GNE: variants seen among roughly 807,000 people sequenced by gnomAD.
The protein encoded by GNE is bifunctional UDP-N-acetylglucosamine 2-epimerase/N-acetylmannosamine kinase.
GNE carries 41 observed loss-of-function variants against 61.8 expected under a neutral mutation model. That is an observed-to-expected ratio of 0.66 (90% CI 0.52 to 0.86). The LOEUF is 0.86. GNE is among the 40% of genes least tolerant of loss of function. The probability of loss-of-function intolerance (pLI) is 0.00; values close to 1 mark genes in which losing one functional copy is unlikely to be tolerated. For missense variants in GNE, 608 were observed against 909.1 expected (o/e 0.67, Z 4.26); for synonymous variants, 264 against 326.4 (o/e 0.81, Z 2.06).
Position 36,217,269 on chromosome 9 carries a change from A to G in GNE, c.*96T>C. On this transcript the variant is annotated 3_prime_UTR_variant, in exon 12 of 12. Transcript: ENST00000642385. ...CTGCCAAAGTCACCTGCAGTTCAAT[A>G]CCAGATTTGATTGTTAAGAAACGGT... 1.2e-6 allele frequency: 1 copy of G among 843,526 alleles called. No individual in the cohort carries two copies. The highest frequency in any genetic ancestry group is 2.0e-6 in the Non-Finnish European group (1 of 507,258). 52.3% of individuals were successfully genotyped at this position (843,526 alleles called of 1,614,324 possible).
At chr9:36,233,245 T>G (rs1392734717) in intron 5 of GNE, among the ~76,000 whole-genome samples, 2 of 152,238 alleles carry the variant, frequency 1.3e-5, no homozygotes, top group African/African-American at 2.4e-5. Flanking sequence ...TACTTAGAAC[T>G]ACCATACTCT....
At chr9:36,236,409 A>G (rs1241036449) in intron 4 of GNE, among the ~76,000 whole-genome samples, 4 of 152,286 alleles carry the variant, frequency 2.6e-5, no homozygotes, top group South Asian at 2.1e-4. Context: ...CATCTTGGCC[A>G]GGCTGGTCTC....
intron 1 of GNE, among the ~76,000 whole-genome samples, chr9:36,254,929 GCAACA>G (rs1830267598): frequency 6.6e-6 from 1 of 152,120 alleles, no homozygotes; most frequent in Non-Finnish European, 1.5e-5. Flanking sequence ...TCCAGCCTGG[GCAACA>G]AGAGTGAGAT....
chr9:36,265,181 T>C (rs1424598962), intron 1 of GNE: 3 of 326,012 alleles, frequency 9.2e-6, no homozygotes, highest in South Asian at 2.5e-5. Context: ...TTCGTCCTAA[T>C]TGAGATGAAC....
intron 11 of GNE, among the ~76,000 whole-genome samples, chr9:36,217,832 A>C (rs113974610): frequency 6.4e-4 from 98 of 152,330 alleles, no homozygotes; most frequent in Non-Finnish European, 1.3e-3. Context: ...CTAGGCAAAA[A>C]AATGAATAGA....
At chr9:36,244,536 T>C (rs1829781767) in intron 3 of GNE, among the ~76,000 whole-genome samples, 1 of 152,212 alleles carries the variant, frequency 6.6e-6, no homozygotes, top group Admixed American at 6.5e-5. Flanking sequence ...ACTATGACTT[T>C]TGCTTTTTAA....
At position 36,246,761 on chromosome 9, in the gene GNE, C is replaced by T. The variant is rs956430780; in HGVS notation, c.165-279G>A. Among the ~76,000 whole-genome samples, 14 of 150,696 alleles carry T rather than the reference C, an allele frequency of 9.3e-5. No individual in the cohort carries two copies. The South Asian group carries it at 1.3e-3, about 14-fold the overall frequency. ...TAGGCTCACTGCAACTTCTGCCTCC[C>T]GGGTTCAAGCGATTCTCCTGCCTCA... is the stretch of plus-strand genomic sequence containing the variant. On this transcript the variant is annotated intron_variant, in intron 2 of 11. Transcript: ENST00000642385.
chr9:36,242,204 G>A (rs1362062796), intron 3 of GNE, among the ~76,000 whole-genome samples: 1 of 151,094 alleles, frequency 6.6e-6, no homozygotes, highest in East Asian at 1.9e-4. Flanking sequence ...GCAGGAACAG[G>A]TTTTATATAA....
chr9:36,216,132 T>G lies in GNE; in HGVS notation c.*1233A>C. 5.8e-6 allele frequency: 2 copies of G among 346,528 alleles called. No homozygotes were observed. The highest frequency in any genetic ancestry group is 1.2e-5 in the Non-Finnish European group (2 of 167,096). The allele number at this position is 346,528 out of a possible 1,614,324, so 21.5% of individuals were successfully genotyped here. On this transcript the variant is annotated 3_prime_UTR_variant, in exon 12 of 12. Transcript: ENST00000642385. Reference sequence around the variant, plus strand: ...GGGGATATCTGAGATGGGGGAGTGATAGATATGTCCAGTGTCTTGATTGTG... The same window carrying G: ...GGGGATATCTGAGATGGGGGAGTGAGAGATATGTCCAGTGTCTTGATTGTG...
chr9:36,223,584 AATTAGACACTGCT>A (rs1828708971), intron 7 of GNE, 82 bp from the exon 8 acceptor site: 1 of 1,394,938 alleles, frequency 7.2e-7, no homozygotes, highest in African/African-American at 1.4e-5. Context: ...TTTCATGACA[AATTAGACACTGCT>A]ATAGGATGGC....
chr9:36,272,451 C>T (rs1831062293), intron 1 of GNE, among the ~76,000 whole-genome samples: 1 of 151,750 alleles, frequency 6.6e-6, no homozygotes, highest in Non-Finnish European at 1.5e-5. Flanking sequence ...GAAACCCTGT[C>T]TCTACTAAAA....
intron 6 of GNE, among the ~76,000 whole-genome samples, chr9:36,228,194 TA>T (rs1319057201): frequency 1.1e-4 from 16 of 151,930 alleles, no homozygotes; most frequent in African/African-American, 2.6e-4. Context: ...TATACAGAAC[TA>T]AAAAAATTTT....
chr9:36,219,770 T>A, intron 10 of GNE, 68 bp downstream of exon 10: 1 of 1,391,992 alleles, frequency 7.2e-7, no homozygotes, highest in Admixed American at 1.7e-5. Flanking sequence ...CAGCTGTCTT[T>A]GGAATTTCCA....
rs1007483431 is a variant in GNE at position 36,220,120 on chromosome 9, G to T, written c.1634-100C>A. ...ATTTAGCAGAGCTTTGGCATGTGAG[G>T]GTCTATAGATACTTCTTTAGACAGC... On this transcript the variant is annotated intron_variant, in intron 9 of 11. Coordinates refer to ENST00000642385, the MANE Select transcript of GNE (RefSeq NM_005476.7). The T allele has an allele frequency of 3.2e-5, 31 of 964,258 alleles. No individual in the cohort carries two copies. The African/African-American group carries it at 4.8e-4, about 15-fold the overall frequency. 59.7% of individuals were successfully genotyped at this position (964,258 alleles called of 1,614,324 possible).
chr9:36,232,035 A>C (rs1411958277), intron 5 of GNE, among the ~76,000 whole-genome samples: 1 of 152,114 alleles, frequency 6.6e-6, no homozygotes, highest in Non-Finnish European at 1.5e-5. Flanking sequence ...AAAGAACTGG[A>C]CTAGAACCAA....
chr9:36,234,017 G>T lies in GNE; in HGVS notation c.885C>A (p.Gly295=). ...CACAGCTGCTGTTCCCAATCATACA[G>T]CCAGCATGGGCAACCAACTGTATAA... The part of the protein sequence containing the change: ...DQFIQLVAHA[G]CMIGNSSCGV... Residue 295 remains glycine (G), a synonymous_variant, in exon 5 of 12, where the codon GGC becomes GGA. Transcript: ENST00000642385. 1 of 1,614,134 alleles carries T rather than the reference G, an allele frequency of 6.2e-7. No individual in the cohort carries two copies. Among genetic ancestry groups the T allele is most frequent in the Non-Finnish European group, 8.5e-7 (1 of 1,179,978 alleles).
intron 7 of GNE, among the ~76,000 whole-genome samples, chr9:36,224,292 G>A (rs1267600461): frequency 6.6e-6 from 1 of 151,896 alleles, no homozygotes; most frequent in Non-Finnish European, 1.5e-5. Context: ...AAATTAGCCA[G>A]GCATGTTGGC....
At chr9:36,232,416 T>C (rs10738958) in intron 5 of GNE, among the ~76,000 whole-genome samples, 99,237 of 150,738 alleles carry the variant, frequency 0.66, 33,869 homozygotes, top group Non-Finnish European at 0.76. Flanking sequence ...ATGTCATTCC[T>C]TCCCATTACA....
rs55920506 is a variant in GNE at position 36,243,934 on chromosome 9, G to GTT, written c.616+2095_616+2096dup. ...TATTCAATTTTCTTTTTCTTTCTGT[G>GTT]TTTTTTTTTTGTTATTGTTTTTTGT... On this transcript the variant is annotated intron_variant, in intron 3 of 11. Transcript: ENST00000642385. Among the ~76,000 whole-genome samples the GTT allele has an allele frequency of 2.0e-4, 29 of 144,260 alleles. No individual in the cohort carries two copies. In the South Asian group the frequency reaches 2.4e-3, roughly 12 times the overall value. 94.6% of individuals were successfully genotyped at this position (144,260 alleles called of 152,430 possible).
Sources: allele counts gnomAD v4.1 joint callset (sites outside exome capture counted in the v4.1 genomes callset), GRCh38; gene constraint gnomAD v4.1.1; transcripts MANE v1.5; gene names NCBI Gene and HGNC (gene_info 2026-07-23, HGNC 2026-07-21).